Variants in VAV3 observed in about 807,000 individuals in gnomAD.
The protein encoded by VAV3 is guanine nucleotide exchange factor VAV3.
VAV3 carries 94 observed loss-of-function variants against 131.2 expected under a neutral mutation model. The ratio of observed to expected loss-of-function variants is 0.72; its 90% CI spans 0.61 to 0.85. The LOEUF (loss-of-function observed/expected upper bound fraction) is 0.85. Ranked by LOEUF, VAV3 falls within the 40% of genes least tolerant of loss-of-function variation. The pLI, the probability that VAV3 is intolerant of heterozygous loss-of-function variation, is 0.00. For missense variants in VAV3, 939 were observed against 1,002.7 expected, an observed-to-expected ratio of 0.94 and a Z score of 0.86; for synonymous variants, 349 against 342.0, an observed-to-expected ratio of 1.02 and a Z score of -0.22.
intron 2 of VAV3, among the ~76,000 whole-genome samples, chr1:107,873,269 T>C (rs1295961774): frequency 6.6e-6 from 1 of 152,148 alleles, no homozygotes. Flanking sequence ...CTCATTCCAG[T>C]AGAACACCAC....
intron 1 of VAV3, among the ~76,000 whole-genome samples, chr1:107,902,660 G>C (rs187358025): frequency 4.6e-5 from 7 of 152,016 alleles, no homozygotes; most frequent in Admixed American, 2.6e-4. Flanking sequence ...AAACCTTTAA[G>C]AAAATATTTA....
At chr1:107,826,661 G>A (rs1334983641) in intron 2 of VAV3, among the ~76,000 whole-genome samples, 1 of 152,158 alleles carries the variant, frequency 6.6e-6, no homozygotes, top group Non-Finnish European at 1.5e-5. Context: ...AGGCACTTAA[G>A]CTTCATGATA....
intron 2 of VAV3, among the ~76,000 whole-genome samples, chr1:107,796,646 C>G (rs1666560450): frequency 6.6e-6 from 1 of 151,910 alleles, no homozygotes. Context: ...AAATAAGGAT[C>G]AAATATTTGT....
rs570960214 is a variant in VAV3 at position 107,732,976 on chromosome 1, C to G, written c.1502+15992G>C. Among the ~76,000 whole-genome samples, 4 of 152,224 alleles carry G rather than the reference C, an allele frequency of 2.6e-5. No individual in the cohort carries two copies. The South Asian group carries it at 8.3e-4, about 32-fold the overall frequency. On this transcript the variant is annotated intron_variant, in intron 15 of 26. Transcript: ENST00000370056. The stretch of plus-strand genomic sequence containing the variant: ...TCTCCTAGTAGGGGCTGACTGATAC[C>G]TCATACAGCCAGATGCCCCTCTGAG...
At chr1:107,931,080 T>G (rs1480390611) in intron 1 of VAV3, among the ~76,000 whole-genome samples, 1 of 152,172 alleles carries the variant, frequency 6.6e-6, no homozygotes, top group African/African-American at 2.4e-5. Flanking sequence ...CAGGTAATAT[T>G]CAAATGCAGT....
chr1:107,619,930 C>T (rs545783831), intron 20 of VAV3, among the ~76,000 whole-genome samples: 1 of 152,268 alleles, frequency 6.6e-6, no homozygotes, highest in South Asian at 2.1e-4. Context: ...TCTGTTCCTC[C>T]TCCAAAACTC....
At chr1:107,622,619 A>G (rs1276699516) in intron 20 of VAV3, among the ~76,000 whole-genome samples, 1 of 152,156 alleles carries the variant, frequency 6.6e-6, no homozygotes, top group East Asian at 1.9e-4. Context: ...TGTAAAAGGG[A>G]CAGATTAATG....
chr1:107,742,122 C>T (rs1663055650), intron 15 of VAV3, among the ~76,000 whole-genome samples: 2 of 152,134 alleles, frequency 1.3e-5, no homozygotes, highest in African/African-American at 2.4e-5. Context: ...TTCAATGTCT[C>T]CTACCTAAGG....
At chr1:107,784,620 G>C (rs1226361596) in intron 2 of VAV3, among the ~76,000 whole-genome samples, 1 of 152,146 alleles carries the variant, frequency 6.6e-6, no homozygotes, top group Non-Finnish European at 1.5e-5. Context: ...CCGTGCCAGT[G>C]ATCTGTTCAT....
chr1:107,943,866 C>A (rs528110456), intron 1 of VAV3, among the ~76,000 whole-genome samples: 1 of 152,332 alleles, frequency 6.6e-6, no homozygotes, highest in South Asian at 2.1e-4. Flanking sequence ...AAATGTCAAA[C>A]CCCTTCCTAA....
chr1:107,870,455 A>T (rs1670201850), intron 2 of VAV3, among the ~76,000 whole-genome samples: 1 of 152,008 alleles, frequency 6.6e-6, no homozygotes, highest in Non-Finnish European at 1.5e-5. Context: ...TTGTCTATTC[A>T]TGTCCTTAGC....
chr1:107,736,940 G>C (rs187915211), intron 15 of VAV3, among the ~76,000 whole-genome samples: 129 of 152,196 alleles, frequency 8.5e-4, no homozygotes, highest in African/African-American at 2.9e-3. Context: ...CATCACGCTA[G>C]CTGACTTCAA....
At chr1:107,785,428 A>C (rs1056354233) in intron 2 of VAV3, 1 of 1,332,020 alleles carries the variant, frequency 7.5e-7, no homozygotes, top group South Asian at 1.2e-5. Context: ...ACCTGGGTTC[A>C]AAAGGAATTC....
At chr1:107,661,658 ATGTT>A (rs1657029856) in intron 19 of VAV3, among the ~76,000 whole-genome samples, 1 of 152,226 alleles carries the variant, frequency 6.6e-6, no homozygotes, top group African/African-American at 2.4e-5. Flanking sequence ...GCATATGTGC[ATGTT>A]TATCATTAAA....
intron 20 of VAV3, among the ~76,000 whole-genome samples, chr1:107,620,528 C>A (rs1653497559): frequency 6.6e-6 from 1 of 152,042 alleles, no homozygotes; most frequent in African/African-American, 2.4e-5. Flanking sequence ...TATAACTACA[C>A]TCCATAACAT....
chr1:107,815,389 G>A (rs17020124), intron 2 of VAV3, among the ~76,000 whole-genome samples: 14,168 of 152,200 alleles, frequency 0.093, 841 homozygotes, highest in East Asian at 0.25. Context: ...GTTCCAGAGT[G>A]GAGGCTGAAG....
chr1:107,575,156 T>C (rs1018936973), intron 25 of VAV3, among the ~76,000 whole-genome samples: 1 of 152,242 alleles, frequency 6.6e-6, no homozygotes, highest in Non-Finnish European at 1.5e-5. Context: ...ACGCTTTATA[T>C]TAACTTCTCT....
At chr1:107,742,216 A>G (rs1235816369) in intron 15 of VAV3, among the ~76,000 whole-genome samples, 2 of 151,318 alleles carry the variant, frequency 1.3e-5, no homozygotes, top group African/African-American at 4.9e-5. Context: ...CACAATAAGA[A>G]TGCCACAACT....
chr1:107,907,720 CCCTTCCACCTTCCA>C (rs781649552), intron 1 of VAV3, among the ~76,000 whole-genome samples: 21 of 152,136 alleles, frequency 1.4e-4, no homozygotes, highest in African/African-American at 4.8e-4. Flanking sequence ...TACTCTCTTG[CCCTTCCACCTTCCA>C]CCTTCCACCA....
Sources: allele counts gnomAD v4.1 joint callset (sites outside exome capture counted in the v4.1 genomes callset), GRCh38; gene constraint gnomAD v4.1.1; transcripts MANE v1.5; gene names NCBI Gene and HGNC (gene_info 2026-07-23, HGNC 2026-07-21).